Variants in GUCY1A2 observed in about 807,000 individuals in gnomAD.
GUCY1A2 encodes the protein guanylate cyclase 1 soluble subunit alpha 2.
GUCY1A2 carries 27 observed loss-of-function variants against 63.5 expected under a neutral mutation model. The observed-to-expected ratio is 0.43, with a 90% CI of 0.31 to 0.59. The LOEUF is 0.59. Among genes scored for constraint, GUCY1A2 ranks in the 20% least tolerant of loss-of-function variants. The probability of loss-of-function intolerance (pLI) is 0.11; values close to 1 mark genes in which losing one functional copy is unlikely to be tolerated. For missense variants in GUCY1A2, 768 were observed against 913.3 expected (o/e 0.84, Z 2.05); for synonymous variants, 364 against 343.5 (o/e 1.06, Z -0.66).
At chr11:106,763,315 G>A (rs1299574478) in intron 6 of GUCY1A2, among the ~76,000 whole-genome samples, 1 of 151,928 alleles carries the variant, frequency 6.6e-6, no homozygotes, top group Non-Finnish European at 1.5e-5. Flanking sequence ...AGAGAGAAAT[G>A]GAGACTGAGG....
At chr11:106,969,617 A>G (rs548563536) in intron 3 of GUCY1A2, among the ~76,000 whole-genome samples, 8 of 152,360 alleles carry the variant, frequency 5.3e-5, no homozygotes, top group African/African-American at 1.7e-4. Context: ...GTCACTATAA[A>G]TCTGCTCCAT....
At chr11:106,873,058 T>C (rs772422219) in intron 4 of GUCY1A2, among the ~76,000 whole-genome samples, 1 of 152,220 alleles carries the variant, frequency 6.6e-6, no homozygotes, top group Non-Finnish European at 1.5e-5. Flanking sequence ...CTGAGAATGA[T>C]AGCTTGCAGC....
chr11:106,721,248 G>A (rs994962492), intron 6 of GUCY1A2, among the ~76,000 whole-genome samples: 1 of 151,894 alleles, frequency 6.6e-6, no homozygotes, highest in African/African-American at 2.4e-5. Context: ...TAGTAGAGAC[G>A]GGGTTTTGCC....
chr11:106,863,504 G>C (rs1859543658), intron 4 of GUCY1A2, among the ~76,000 whole-genome samples: 1 of 152,126 alleles, frequency 6.6e-6, no homozygotes, highest in African/African-American at 2.4e-5. Flanking sequence ...CTATATATCT[G>C]TTTTGGTACC....
At position 106,757,739 on chromosome 11, in the gene GUCY1A2, G is replaced by A. The variant is rs7103532; in HGVS notation, c.1836+18700C>T. ...TCCTCTGGAAGCTTTGTCCCAGAGG[G>A]GCACCCATGAGATGCCAGCCAGAGC... On this transcript the variant is annotated intron_variant, in intron 6 of 7. Coordinates refer to ENST00000526355, the MANE Select transcript of GUCY1A2 (RefSeq NM_000855.3). 6.3e-3 allele frequency among the ~76,000 whole-genome samples: 953 copies of A among 152,206 alleles called. 15 individuals are homozygous for A. Among genetic ancestry groups the A allele is most frequent in the African/African-American group, 0.021 (877 of 41,538 alleles).
intron 4 of GUCY1A2, among the ~76,000 whole-genome samples, chr11:106,816,841 GAC>G (rs1858839133): frequency 6.6e-6 from 1 of 151,434 alleles, no homozygotes; most frequent in African/African-American, 2.4e-5. Flanking sequence ...TAAAAAATTT[GAC>G]AGTTTAAATG....
At chr11:106,896,617 C>G (rs1198517564) in intron 4 of GUCY1A2, among the ~76,000 whole-genome samples, 1 of 152,124 alleles carries the variant, frequency 6.6e-6, no homozygotes, top group Non-Finnish European at 1.5e-5. Context: ...GATTAGCATC[C>G]TTATAAAAGG....
intron 4 of GUCY1A2, among the ~76,000 whole-genome samples, chr11:106,859,624 A>T (rs1859481915): frequency 6.6e-6 from 1 of 152,056 alleles, no homozygotes. Flanking sequence ...AAAAATAATG[A>T]CAATACAAAT....
chr11:106,778,384 T>A (rs530489384), intron 5 of GUCY1A2, among the ~76,000 whole-genome samples: 3 of 152,336 alleles, frequency 2.0e-5, no homozygotes, highest in African/African-American at 7.2e-5. Context: ...TCAATATGTA[T>A]CTATATAAAG....
At chr11:106,862,714 A>G (rs1167476246) in intron 4 of GUCY1A2, among the ~76,000 whole-genome samples, 1 of 148,930 alleles carries the variant, frequency 6.7e-6, no homozygotes, top group African/African-American at 2.5e-5. Flanking sequence ...AGAAACTGGA[A>G]TGAGGAGAAA....
intron 6 of GUCY1A2, among the ~76,000 whole-genome samples, chr11:106,723,241 C>G (rs1863349539): frequency 1.3e-5 from 2 of 152,264 alleles, no homozygotes; most frequent in Admixed American, 1.3e-4. Flanking sequence ...TTTTCTCAAC[C>G]CTTCATCTAG....
rs1251734441 is a variant in GUCY1A2, at chr11:106,674,406, G to A, written c.*13143C>T. On this transcript the variant is annotated 3_prime_UTR_variant, in exon 8 of 8. Transcript: ENST00000526355. ...CATGTATTATTCTTAAAATTCTAGT[G>A]AAATGAGGCATATTTTATCATTTCA... 1 of 176,520 alleles carries A rather than the reference G, an allele frequency of 5.7e-6. No homozygotes were observed. Among genetic ancestry groups the A allele is most frequent in the East Asian group, 9.6e-5 (1 of 10,388 alleles). The allele number at this position is 176,520 out of a possible 1,614,324, so 10.9% of individuals were successfully genotyped here.
In GUCY1A2 at chr11:106,675,422, G is replaced by A. The variant is rs770623354; in HGVS notation, c.*12127C>T. 1.1e-4 allele frequency: 23 copies of A among 200,094 alleles called. No individual in the cohort carries two copies. The highest frequency in any genetic ancestry group is 1.7e-4 in the Non-Finnish European group (17 of 97,194). The allele number at this position is 200,094 out of a possible 1,614,324, so 12.4% of individuals were successfully genotyped here. On this transcript the variant is annotated 3_prime_UTR_variant, in exon 8 of 8. Transcript: ENST00000526355. Reference sequence around the variant, plus strand: ...GCCATGATGATGTGAATTCATTTCCGCATAGTCGGAATAATTTTTGCTCCA... The same window carrying A: ...GCCATGATGATGTGAATTCATTTCCACATAGTCGGAATAATTTTTGCTCCA...
intron 4 of GUCY1A2, among the ~76,000 whole-genome samples, chr11:106,913,390 TGATGA>T (rs1860322977): frequency 6.6e-6 from 1 of 152,092 alleles, no homozygotes; most frequent in Admixed American, 6.6e-5. Context: ...AGTGATCACA[TGATGA>T]GAATAGAAGT....
At chr11:106,953,173 A>C (rs2120032188) in intron 3 of GUCY1A2, among the ~76,000 whole-genome samples, 1 of 152,254 alleles carries the variant, frequency 6.6e-6, no homozygotes, top group East Asian at 1.9e-4. Flanking sequence ...GTTTGTCATA[A>C]ATAGCTCTTA....
At chr11:106,828,126 G>A (rs1443085005) in intron 4 of GUCY1A2, among the ~76,000 whole-genome samples, 1 of 151,978 alleles carries the variant, frequency 6.6e-6, no homozygotes, top group South Asian at 2.1e-4. Context: ...GGCATAATTC[G>A]CAAATATTTT....
At position 106,939,767 on chromosome 11, in the gene GUCY1A2, T is replaced by C. The variant is rs779033772; in HGVS notation, c.899A>G (p.Asn300Ser). 1.9e-6 allele frequency: 3 copies of C among 1,613,896 alleles called. No homozygotes were observed. Among genetic ancestry groups the C allele is most frequent in the Non-Finnish European group, 2.5e-6 (3 of 1,179,884 alleles). The change falls in exon 4 of 8, where the codon AAT becomes AGT. Residue 300 changes from asparagine to serine, a missense_variant. Asn to Ser is a conservative substitution (Grantham distance 46, BLOSUM62 1). Coordinates refer to ENST00000526355, the MANE Select transcript of GUCY1A2 (RefSeq NM_000855.3). Reference sequence around the variant, plus strand: ...TCCCTGTGGAAGGTTCTTCATGATATTAGTATTTTCACATTCTTTGATAAG... The same window carrying C: ...TCCCTGTGGAAGGTTCTTCATGATACTAGTATTTTCACATTCTTTGATAAG... ...TFLIKECENT[N>S]IMKNLPQGTS...
At chr11:106,897,274 A>C (rs969467257) in intron 4 of GUCY1A2, among the ~76,000 whole-genome samples, 22 of 152,170 alleles carry the variant, frequency 1.4e-4, no homozygotes, top group African/African-American at 5.3e-4. Context: ...GTTCTTCCCC[A>C]CTTGCTCTAT....
In GUCY1A2 at chr11:106,800,325, T is replaced by C. The variant is rs189869943; in HGVS notation, c.1692+9668A>G. ...CTAGTTCAACCATCGTGGAAGACAG[T>C]GTGGCGATTCCTCAAGGATCTAGAA... On this transcript the variant is annotated intron_variant, in intron 5 of 7. Transcript: ENST00000526355. Among the ~76,000 whole-genome samples the C allele has an allele frequency of 1.3e-3, 200 of 152,290 alleles. 3 individuals are homozygous for C. In the East Asian group the frequency reaches 0.035, roughly 27 times the overall value.
Sources: gnomAD v4.1 joint callset for allele counts (sites outside exome capture counted in the v4.1 genomes callset) on GRCh38, gnomAD v4.1.1 for gene constraint, MANE v1.5 for transcripts, NCBI Gene and HGNC (gene_info 2026-07-23, HGNC 2026-07-21) for gene names.